AUTS2: variants seen among roughly 807,000 people sequenced by gnomAD.
The protein encoded by AUTS2 is activator of transcription and developmental regulator AUTS2.
A neutral mutation model predicts 112.4 loss-of-function variants in AUTS2; 17 were observed. The observed-to-expected ratio is 0.15, with a 90% CI of 0.10 to 0.23. The LOEUF is 0.23. Among genes scored for constraint, AUTS2 ranks in the 10% least tolerant of loss-of-function variants. The pLI, the probability that AUTS2 is intolerant of heterozygous loss-of-function variation, is 1.00. For synonymous variants in AUTS2, 751 were observed against 702.7 expected, an observed-to-expected ratio of 1.07 and a Z score of -1.09; for missense variants, 1,510 against 1,701.6, an observed-to-expected ratio of 0.89 and a Z score of 1.98.
chr7:70,586,512 A>T (rs141840483), intron 5 of AUTS2, among the ~76,000 whole-genome samples: 2 of 152,326 alleles, frequency 1.3e-5, no homozygotes, highest in African/African-American at 4.8e-5. Flanking sequence ...TTAGGGTTAA[A>T]CATCTCAAGA....
At chr7:69,832,675 G>C (rs1791553490) in intron 1 of AUTS2, among the ~76,000 whole-genome samples, 1 of 152,176 alleles carries the variant, frequency 6.6e-6, no homozygotes, top group African/African-American at 2.4e-5. Context: ...AATAATTACA[G>C]ACCTATTTAG....
intron 1 of AUTS2, among the ~76,000 whole-genome samples, chr7:69,781,051 G>T (rs1562878762): frequency 6.6e-6 from 1 of 152,172 alleles, no homozygotes; most frequent in Non-Finnish European, 1.5e-5. Context: ...ATCTAGCAGG[G>T]TTAAAAAACC....
At chr7:69,616,249 G>T (rs1793367750) in intron 1 of AUTS2, among the ~76,000 whole-genome samples, 1 of 152,136 alleles carries the variant, frequency 6.6e-6, no homozygotes, top group African/African-American at 2.4e-5. Context: ...TTATTTGGGG[G>T]TCATTTAGAT....
At chr7:70,712,282 A>G (rs867721219) in intron 6 of AUTS2, among the ~76,000 whole-genome samples, 1 of 144,778 alleles carries the variant, frequency 6.9e-6, no homozygotes, top group South Asian at 2.2e-4. Context: ...CCTGAGCTCA[A>G]AATGAACCGC....
chr7:70,035,364 G>A (rs1012937721), intron 2 of AUTS2, among the ~76,000 whole-genome samples: 1 of 152,184 alleles, frequency 6.6e-6, no homozygotes, highest in South Asian at 2.1e-4. Flanking sequence ...TCAGGATTAG[G>A]CAAAGTACTT....
intron 5 of AUTS2, among the ~76,000 whole-genome samples, chr7:70,661,439 C>G (rs1224173075): frequency 1.3e-5 from 2 of 152,058 alleles, no homozygotes; most frequent in Non-Finnish European, 2.9e-5. Flanking sequence ...GGCAGGTGAC[C>G]AGGGTGGGAG....
intron 1 of AUTS2, among the ~76,000 whole-genome samples, chr7:69,762,292 T>C (rs942048414): frequency 2.1e-5 from 2 of 93,608 alleles, no homozygotes; most frequent in Admixed American, 1.3e-4. Context: ...AGCCAAGTTG[T>C]CTTTTTTTTT....
intron 5 of AUTS2, among the ~76,000 whole-genome samples, chr7:70,441,733 T>G (rs1331809428): frequency 2.6e-5 from 4 of 152,230 alleles, no homozygotes. Flanking sequence ...GATCATTTTA[T>G]GTTCACTTGT....
intron 6 of AUTS2, among the ~76,000 whole-genome samples, chr7:70,709,349 A>G (rs1421999988): frequency 1.3e-5 from 2 of 152,182 alleles, no homozygotes; most frequent in Non-Finnish European, 2.9e-5. Flanking sequence ...TCTCATGGGT[A>G]TCATGAGAAA....
At chr7:70,429,777 CTTT>C (rs950363972) in intron 4 of AUTS2, among the ~76,000 whole-genome samples, 5 of 152,112 alleles carry the variant, frequency 3.3e-5, no homozygotes, top group South Asian at 2.1e-4. Flanking sequence ...AAGAATTTGA[CTTT>C]TTATTATATT....
intron 5 of AUTS2, among the ~76,000 whole-genome samples, chr7:70,655,718 C>G (rs1445206559): frequency 6.6e-6 from 1 of 152,170 alleles, no homozygotes; most frequent in Non-Finnish European, 1.5e-5. Flanking sequence ...TCACTACCTT[C>G]CCTGGCACTG....
intron 2 of AUTS2, among the ~76,000 whole-genome samples, chr7:69,976,267 G>A (rs961386446): frequency 6.6e-6 from 1 of 152,052 alleles, no homozygotes; most frequent in East Asian, 1.9e-4. Context: ...TATCTTTTTG[G>A]CACTGGCTTA....
At chr7:69,656,692 C>A (rs886305830) in intron 1 of AUTS2, among the ~76,000 whole-genome samples, 2 of 152,134 alleles carry the variant, frequency 1.3e-5, no homozygotes, top group African/African-American at 2.4e-5. Context: ...ATCTTGGGTT[C>A]AGTTTATTCT....
chr7:70,598,040 A>T (rs1803288697), intron 5 of AUTS2, among the ~76,000 whole-genome samples: 2 of 152,324 alleles, frequency 1.3e-5, no homozygotes, highest in African/African-American at 4.8e-5. Context: ...TGCGTTTTAA[A>T]GTTTGCAGAG....
At chr7:70,403,012 A>T (rs1444018357) in intron 4 of AUTS2, among the ~76,000 whole-genome samples, 1 of 152,196 alleles carries the variant, frequency 6.6e-6, no homozygotes, top group Admixed American at 6.5e-5. Context: ...GCTTAGGTGC[A>T]GTTGAAATAA....
Position 70,764,801 on chromosome 7 carries a change from A to G in AUTS2, c.1264A>G (p.Ile422Val), listed in dbSNP as rs376584055. 32 of 817,034 alleles carry G rather than the reference A, an allele frequency of 3.9e-5. No homozygotes were observed. Among genetic ancestry groups the G allele is most frequent in the Non-Finnish European group, 6.3e-5 (31 of 490,502 alleles). The allele number at this position is 817,034 out of a possible 1,614,324, so 50.6% of individuals were successfully genotyped here. Residue 422 changes from isoleucine to valine, a missense_variant, in exon 8 of 19, where the codon ATC (isoleucine) becomes GTC (valine). Around this residue, in one of 3 missense-constraint regions of AUTS2, gnomAD observed 535 missense variants for 594.3 expected, o/e 0.90. Transcript: ENST00000342771. Reference sequence around the variant, plus strand: ...GAAGACTCAGCCCGCCCCACCTCACATCTCCCACCACCCCTCTGCCTCCCC... The same window carrying G: ...GAAGACTCAGCCCGCCCCACCTCACGTCTCCCACCACCCCTCTGCCTCCCC... ...PAKTQPAPPH[I>V]SHHPSASPFP...
At chr7:69,916,357 A>G (rs1024307242) in intron 2 of AUTS2, among the ~76,000 whole-genome samples, 2 of 152,254 alleles carry the variant, frequency 1.3e-5, no homozygotes, top group African/African-American at 4.8e-5. Context: ...GGGTGCTTAT[A>G]TTAGTGAACA....
intron 12 of AUTS2, chr7:70,774,957 G>A (rs1262640175): frequency 9.9e-6 from 2 of 202,402 alleles, no homozygotes; most frequent in Non-Finnish European, 2.0e-5. Context: ...TGGATGGAAA[G>A]GACACCTCTC....
intron 4 of AUTS2, among the ~76,000 whole-genome samples, chr7:70,412,924 G>A (rs1794835916): frequency 6.6e-6 from 1 of 152,218 alleles, no homozygotes; most frequent in Admixed American, 6.5e-5. Context: ...CCGGGGGTCA[G>A]AGGTCGCAGG....
Sources: gnomAD v4.1 joint callset for allele counts (sites outside exome capture counted in the v4.1 genomes callset) on GRCh38, gnomAD v4.1.1 for gene constraint, gnomAD v4.1.1 regional missense constraint, MANE v1.5 for transcripts, NCBI Gene and HGNC (gene_info 2026-07-23, HGNC 2026-07-21) for gene names.